RAD21L1: variants seen among roughly 807,000 people sequenced by gnomAD.
RAD21L1 encodes RAD21 cohesin complex component like 1, also known as double-strand-break repair protein rad21-like protein 1.
Under a neutral mutation model 69.0 loss-of-function variants are expected in RAD21L1, and 47 were observed. The observed-to-expected ratio is 0.68, with a 90% confidence interval of 0.54 to 0.87. The LOEUF (loss-of-function observed/expected upper bound fraction) is 0.87, where lower values mean the gene tolerates loss of function less well. Ranked by LOEUF, RAD21L1 falls within the 40% of genes least tolerant of loss-of-function variation. The pLI, the probability that RAD21L1 is intolerant of heterozygous loss-of-function variation, is 0.00. For synonymous variants in RAD21L1, 177 were observed against 205.8 expected (o/e 0.86, Z 1.20); for missense variants, 583 against 647.6 (o/e 0.90, Z 1.08).
intron 2 of RAD21L1, among the ~76,000 whole-genome samples, chr20:1,229,549 G>C (rs1162354280): frequency 1.3e-5 from 2 of 152,108 alleles, no homozygotes; most frequent in African/African-American, 4.8e-5. Flanking sequence ...ATAAGCTGTA[G>C]CCATTTTTAT....
At chr20:1,244,198 ATATTT>A in intron 11 of RAD21L1, 28 bp downstream of exon 11, 1 of 1,462,916 alleles carries the variant, frequency 6.8e-7, no homozygotes, top group Non-Finnish European at 9.3e-7. Flanking sequence ...AATCGTAAAA[ATATTT>A]TATTTTCTAC....
intron 13 of RAD21L1, among the ~76,000 whole-genome samples, chr20:1,249,542 T>C (rs2087785056): frequency 6.6e-6 from 1 of 152,224 alleles, no homozygotes; most frequent in Admixed American, 6.5e-5. Context: ...AATGGCTAAC[T>C]ACCCACCAGG....
chr20:1,229,544 C>T (rs891580274), intron 2 of RAD21L1, among the ~76,000 whole-genome samples: 5 of 152,162 alleles, frequency 3.3e-5, no homozygotes, highest in African/African-American at 1.2e-4. Context: ...AAAAAATAAG[C>T]TGTAGCCATT....
intron 5 of RAD21L1, among the ~76,000 whole-genome samples, chr20:1,236,937 C>T (rs949250476): frequency 1.3e-5 from 2 of 152,176 alleles, no homozygotes; most frequent in Admixed American, 6.5e-5. Context: ...TTGACCAACG[C>T]TGGCTTTTCC....
At chr20:1,227,226 A>G (rs1334699024) in intron 1 of RAD21L1, among the ~76,000 whole-genome samples, 2 of 152,256 alleles carry the variant, frequency 1.3e-5, no homozygotes, top group East Asian at 1.9e-4. Flanking sequence ...GTACATTTTA[A>G]AAGTACCTCA....
At chr20:1,234,237 A>C (rs1336452081) in intron 5 of RAD21L1, 46 bp downstream of exon 5, 7 of 872,470 alleles carry the variant, frequency 8.0e-6, no homozygotes, top group Non-Finnish European at 1.3e-5. Flanking sequence ...AATCAATTAT[A>C]TTTGTATTTG....
chr20:1,247,190 C>T (rs1481146693), intron 12 of RAD21L1, among the ~76,000 whole-genome samples: 1 of 152,132 alleles, frequency 6.6e-6, no homozygotes, highest in Non-Finnish European at 1.5e-5. Context: ...GTCAAGCAAA[C>T]CACAACATAG....
intron 1 of RAD21L1, among the ~76,000 whole-genome samples, 157 bp from the exon 2 acceptor site, chr20:1,228,265 A>G (rs1390057336): frequency 2.6e-5 from 4 of 152,236 alleles, no homozygotes; most frequent in Middle Eastern, 3.2e-3. Context: ...TTTATATTCT[A>G]AATAAGTTTC....
chr20:1,243,253 A>G, intron 10 of RAD21L1, 57 bp downstream of exon 10: 1 of 826,748 alleles, frequency 1.2e-6, no homozygotes. Context: ...CAAAAATTTG[A>G]TGTTTTAAAT....
chr20:1,234,150 A>G lies in RAD21L1; in HGVS notation c.434A>G (p.Glu145Gly). 6.5e-7 allele frequency: 1 copy of G among 1,545,326 alleles called. No homozygotes were observed. The highest frequency in any genetic ancestry group is 2.5e-5 in the East Asian group (1 of 40,752). The change falls in exon 5 of 14, where the codon GAA becomes GGA. Residue 145 changes from glutamate to glycine, a missense_variant. Transcript: ENST00000683101. The part of the protein sequence containing the change: ...QSRPEEITLR[E>G]NFDNDLIFQA... The stretch of plus-strand genomic sequence containing the variant: ...AGACCAGAAGAAATCACTCTTAGAG[A>G]AAATTTTGACAATGATCTAATTTTC...
At chr20:1,227,369 AG>A in intron 1 of RAD21L1, among the ~76,000 whole-genome samples, 1 of 152,258 alleles carries the variant, frequency 6.6e-6, no homozygotes, top group East Asian at 1.9e-4. Flanking sequence ...GCTGCCCCGT[AG>A]GGGAACATGG....
intron 3 of RAD21L1, chr20:1,230,683 A>G (rs866859786): frequency 3.0e-5 from 13 of 436,930 alleles, no homozygotes; most frequent in Non-Finnish European, 3.6e-5. Context: ...CATTTCCTCA[A>G]TCAACATTTG....
rs1328708623 is a variant in RAD21L1 at position 1,240,362 on chromosome 20, G to GA, written c.790dup (p.Met264AsnfsTer3). The GA allele has an allele frequency of 1.9e-6, 3 of 1,548,866 alleles. No individual in the cohort carries two copies. Among genetic ancestry groups the GA allele is most frequent in the Non-Finnish European group, 2.6e-6 (3 of 1,145,810 alleles). ...AGAGTGTATATGTGTACCTGAAAAT[G>GA]AAAAAATGAATGAAACAATATTATT... is the stretch of plus-strand genomic sequence containing the variant. On this transcript the variant is annotated frameshift_variant, in exon 8 of 14. Coordinates refer to ENST00000683101, the MANE Select transcript of RAD21L1 (RefSeq NM_001384355.1). LOFTEE classifies it high-confidence loss of function.
intron 9 of RAD21L1, 123 bp downstream of exon 9, chr20:1,242,968 T>C (rs1344708243): frequency 1.1e-5 from 10 of 898,532 alleles, no homozygotes; most frequent in African/African-American, 1.7e-5. Context: ...AAGTACTTCC[T>C]CATTTTGAAT....
chr20:1,240,340 G>A lies in RAD21L1; in HGVS notation c.762G>A (p.Glu254=). ...NSLAVEPDNS[E]CICVPENEKM... ...GATTAGTTGAACCAGATAACTCAGA[G>A]TGTATATGTGTACCTGAAAATGAAA... Residue 254 remains glutamate (E), a synonymous_variant, in exon 8 of 14, where the codon GAG becomes GAA. Transcript: ENST00000683101. 6.5e-7 allele frequency: 1 copy of A among 1,545,762 alleles called. No individual in the cohort carries two copies.
intron 4 of RAD21L1, among the ~76,000 whole-genome samples, chr20:1,232,400 A>G (rs1207310998): frequency 3.9e-5 from 6 of 152,216 alleles, no homozygotes; most frequent in Non-Finnish European, 8.8e-5. Context: ...TCTAAGGGGA[A>G]AGGGAGGAAT....
chr20:1,235,786 T>A (rs980232282), intron 5 of RAD21L1, among the ~76,000 whole-genome samples: 30 of 147,624 alleles, frequency 2.0e-4, no homozygotes, highest in African/African-American at 9.9e-5. Flanking sequence ...TTTTTTTTTT[T>A]AAATGGGGTC....
At chr20:1,241,161 GGTATTGAGCCATT>G (rs2087599918) in intron 8 of RAD21L1, among the ~76,000 whole-genome samples, 1 of 152,128 alleles carries the variant, frequency 6.6e-6, no homozygotes, top group Admixed American at 6.5e-5. Flanking sequence ...AATTTAGGAA[GGTATTGAGCCATT>G]ACTCTGTAGT....
Position 1,246,601 on chromosome 20 carries a change from T to A in RAD21L1, c.1401+296T>A, listed in dbSNP as rs7264456. Among the ~76,000 whole-genome samples, 4,190 of 152,230 alleles carry A rather than the reference T, an allele frequency of 0.028. 205 individuals are homozygous for A. The highest frequency in any genetic ancestry group is 0.095 in the African/African-American group (3,938 of 41,540). On this transcript the variant is annotated intron_variant, in intron 12 of 13. Transcript: ENST00000683101. The surrounding 1 kb of genome is among the most constrained non-coding windows in gnomAD (Gnocchi z 4.6). ...GGATTTTAAATGTTGAGAATCACTG[T>A]TTTAAATTATTGATATAACATCTCT... is the stretch of plus-strand genomic sequence containing the variant.
Sources: allele counts gnomAD v4.1 joint callset (sites outside exome capture counted in the v4.1 genomes callset), GRCh38; gene constraint gnomAD v4.1.1; non-coding constraint Gnocchi (gnomAD v3.1); transcripts MANE v1.5; gene names NCBI Gene and HGNC (gene_info 2026-07-23, HGNC 2026-07-21).